The following CD69 variants were observed in gnomAD, a reference collection of about 807,000 sequenced individuals.
CD69 encodes the protein CD69 molecule, also known as early activation antigen CD69.
Under a neutral mutation model 21.4 loss-of-function variants are expected in CD69, and 10 were observed. The observed-to-expected ratio is 0.47, with a 90% CI of 0.29 to 0.79. The LOEUF (loss-of-function observed/expected upper bound fraction) is 0.79, where lower values mean the gene tolerates loss of function less well. Among genes scored for constraint, CD69 ranks in the 30% least tolerant of loss-of-function variants. The probability of loss-of-function intolerance (pLI) is 0.09; values close to 1 mark genes in which losing one functional copy is unlikely to be tolerated. For synonymous variants in CD69, 63 were observed against 78.2 expected (o/e 0.81, Z 1.03); for missense variants, 204 against 236.9 (o/e 0.86, Z 0.91).
At chr12:9,759,511 TC>T (rs1866713502) in intron 1 of CD69, among the ~76,000 whole-genome samples, 1 of 116,406 alleles carries the variant, frequency 8.6e-6, no homozygotes, top group African/African-American at 3.1e-5. Context: ...TATTATTATT[TC>T]TTTTTGGCGG....
At chr12:9,756,497 A>G (rs1866680672) in intron 1 of CD69, 78 bp from the exon 2 acceptor site, 6 of 1,172,976 alleles carry the variant, frequency 5.1e-6, no homozygotes, top group Non-Finnish European at 5.8e-6. Context: ...CTTTTGAGGC[A>G]TTTAAACTTA....
rs149366343 is a variant in CD69, at chr12:9,754,430, G to A, written c.491+157C>T. On this transcript the variant is annotated intron_variant, in intron 4 of 4. Transcript: ENST00000228434. ...AAGAAAAAGAATAATAATAAAGCCT[G>A]TTATTAAAGAATTCCAGAGTATACG... The A allele has an allele frequency of 1.0e-3, 542 of 530,920 alleles. 4 individuals carry two copies. Among genetic ancestry groups the A allele is most frequent in the Non-Finnish European group, 1.5e-3 (446 of 292,882 alleles). 32.9% of individuals were successfully genotyped at this position (530,920 alleles called of 1,614,324 possible).
At position 9,753,493 on chromosome 12, in the gene CD69, T is replaced by C; in HGVS notation, c.588A>G (p.Lys196=). The change falls in exon 5 of 5, where the codon AAA becomes AAG. Residue 196 remains lysine, a synonymous_variant. Transcript: ENST00000228434. ...CEKNLYWICN[K]PYK ...ACATGTTTCCTTATTATTTGTAAGGTTTGTTACATATCCAGTATAAATTCT... is the reference window on the plus strand; with the variant it reads ...ACATGTTTCCTTATTATTTGTAAGGCTTGTTACATATCCAGTATAAATTCT... The C allele has an allele frequency of 7.1e-7, 1 of 1,416,456 alleles. No individual in the cohort carries two copies. The allele number at this position is 1,416,456 out of a possible 1,614,324, so 87.7% of individuals were successfully genotyped here.
chr12:9,753,441 T>G lies in CD69; in HGVS notation c.*40A>C. On this transcript the variant is annotated 3_prime_UTR_variant, in exon 5 of 5. Coordinates refer to ENST00000228434, the MANE Select transcript of CD69 (RefSeq NM_001781.2). ...ATCCACTGACACAGATTTCCTTGAG[T>G]TCCATTCTATAATAGTCAATAAGTG... 2 of 881,164 alleles carry G rather than the reference T, an allele frequency of 2.3e-6. No individual in the cohort carries two copies. The highest frequency in any genetic ancestry group is 3.7e-6 in the Non-Finnish European group (2 of 544,002). The allele number at this position is 881,164 out of a possible 1,614,324, so 54.6% of individuals were successfully genotyped here.
intron 1 of CD69, among the ~76,000 whole-genome samples, chr12:9,756,773 C>T (rs950891772): frequency 3.9e-5 from 6 of 152,140 alleles, no homozygotes; most frequent in Admixed American, 3.9e-4. Context: ...GCACATGCCC[C>T]AGAAGACACA....
At chr12:9,759,959 T>C (rs1866717944) in intron 1 of CD69, among the ~76,000 whole-genome samples, 1 of 152,090 alleles carries the variant, frequency 6.6e-6, no homozygotes, top group South Asian at 2.1e-4. Context: ...TCTAAGATGA[T>C]TATATTTTGC....
chr12:9,755,289 G>T, intron 2 of CD69, 28 bp from the exon 3 acceptor site: 1 of 1,591,182 alleles, frequency 6.3e-7, no homozygotes, highest in Non-Finnish European at 8.6e-7. Flanking sequence ...CTTTGTTTTA[G>T]TAACAAAAGA....
chr12:9,756,275 A>T (rs746566947), intron 2 of CD69, 22 bp downstream of exon 2: 1 of 1,597,812 alleles, frequency 6.3e-7, no homozygotes, highest in Non-Finnish European at 8.5e-7. Context: ...GCTTTGAAAG[A>T]ATTGATGAAG....
intron 4 of CD69, among the ~76,000 whole-genome samples, chr12:9,753,804 G>T (rs1480347075): frequency 6.6e-6 from 1 of 152,072 alleles, no homozygotes; most frequent in Non-Finnish European, 1.5e-5. Flanking sequence ...AGGAAAGCAC[G>T]CCATTCATTT....
At chr12:9,756,261 G>A in intron 2 of CD69, 36 bp downstream of exon 2, 1 of 1,585,038 alleles carries the variant, frequency 6.3e-7, no homozygotes. Flanking sequence ...CTTACAGCTA[G>A]GAGGCTTTGA....
intron 2 of CD69, 27 bp from the exon 3 acceptor site, chr12:9,755,288 A>G: frequency 6.3e-7 from 1 of 1,591,490 alleles, no homozygotes; most frequent in South Asian, 1.1e-5. Context: ...GCTTTGTTTT[A>G]GTAACAAAAG....
intron 1 of CD69, 120 bp from the exon 2 acceptor site, chr12:9,756,539 C>A: frequency 1.3e-6 from 1 of 794,512 alleles, no homozygotes; most frequent in Non-Finnish European, 1.8e-6. Context: ...GAAATTTCCC[C>A]GTCTCTTTAT....
chr12:9,754,449 G>A (rs1003812240), intron 4 of CD69, 138 bp downstream of exon 4: 59 of 630,852 alleles, frequency 9.4e-5, no homozygotes, highest in Middle Eastern at 8.6e-4. Flanking sequence ...GAATTCCAGA[G>A]TATACGCATT....
intron 3 of CD69, 97 bp downstream of exon 3, chr12:9,754,965 G>T: frequency 9.7e-7 from 1 of 1,027,008 alleles, no homozygotes. Flanking sequence ...TACAATGTTT[G>T]TTTGTTTGTT....
At chr12:9,759,666 T>G (rs1591729113) in intron 1 of CD69, among the ~76,000 whole-genome samples, 1 of 152,142 alleles carries the variant, frequency 6.6e-6, no homozygotes, top group African/African-American at 2.4e-5. Flanking sequence ...TAAACTAATA[T>G]AGTAGACACA....
intron 4 of CD69, chr12:9,754,183 C>T (rs1375731858): frequency 6.4e-6 from 1 of 156,326 alleles, no homozygotes; most frequent in African/African-American, 2.4e-5. Context: ...TGAAACTATT[C>T]TTTATTCTGT....
chr12:9,754,552 C>G, intron 4 of CD69, 35 bp downstream of exon 4: 1 of 1,192,742 alleles, frequency 8.4e-7, no homozygotes, highest in Non-Finnish European at 1.3e-6. Context: ...TGAGATGCCA[C>G]CCTGGGGAAT....
chr12:9,757,131 C>G (rs1402603539), intron 1 of CD69, among the ~76,000 whole-genome samples: 2 of 151,840 alleles, frequency 1.3e-5, no homozygotes, highest in Non-Finnish European at 2.9e-5. Context: ...TCCTTAATCT[C>G]CTTGTAGTTA....
chr12:9,756,243 C>T (rs1866678101), intron 2 of CD69, 54 bp downstream of exon 2: 2 of 1,522,644 alleles, frequency 1.3e-6, no homozygotes, highest in Non-Finnish European at 1.8e-6. Flanking sequence ...TTCAGCTGGG[C>T]ATGAATGCTT....
Sources: allele counts gnomAD v4.1 joint callset (sites outside exome capture counted in the v4.1 genomes callset), GRCh38; gene constraint gnomAD v4.1.1; transcripts MANE v1.5; gene names NCBI Gene and HGNC (gene_info 2026-07-23, HGNC 2026-07-21).